MED13: variants seen among roughly 807,000 people sequenced by gnomAD.
MED13 encodes mediator of RNA polymerase II transcription subunit 13.
Under a neutral mutation model 225.2 loss-of-function variants are expected in MED13, and 23 were observed. The ratio of observed to expected loss-of-function variants is 0.10; its 90% CI spans 0.07 to 0.14. MED13 has a LOEUF of 0.14. Among genes scored for constraint, MED13 ranks in the 10% least tolerant of loss-of-function variants. MED13 has a pLI of 1.00. For missense variants in MED13, 2,197 were observed against 2,594.5 expected (o/e 0.85, Z 3.33); for synonymous variants, 942 against 889.2 (o/e 1.06, Z -1.06).
At chr17:61,986,510 A>T (rs1033689760) in intron 12 of MED13, among the ~76,000 whole-genome samples, 5 of 152,208 alleles carry the variant, frequency 3.3e-5, no homozygotes, top group Non-Finnish European at 5.9e-5. Context: ...TAAAGATTAA[A>T]TATTATTTTT....
intron 9 of MED13, chr17:62,010,278 G>A (rs895806282): frequency 1.1e-5 from 3 of 282,354 alleles, no homozygotes; most frequent in African/African-American, 4.4e-5. Context: ...AAGAAAAACA[G>A]TACATGGGAA....
rs1419650892 is a variant in MED13 at position 61,966,494 on chromosome 17, T to C, written c.4349A>G (p.Lys1450Arg). Residue 1450 changes from lysine to arginine, a missense_variant, in exon 19 of 30, where the codon AAG becomes AGG. Coordinates refer to ENST00000397786, the MANE Select transcript of MED13 (RefSeq NM_005121.3). The part of the protein sequence containing the change: ...DGNNEAFSKL[K>R]LYAQVCRYDL... Reference sequence around the variant, plus strand: ...ATATCTGCAGACTTGTGCATAAAGCTTGAGTTTAGAAAATGCTTCATTGTT... The same window carrying C: ...ATATCTGCAGACTTGTGCATAAAGCCTGAGTTTAGAAAATGCTTCATTGTT... The C allele has an allele frequency of 6.2e-7, 1 of 1,613,690 alleles. No homozygotes were observed. Among genetic ancestry groups the C allele is most frequent in the East Asian group, 2.2e-5 (1 of 44,836 alleles).
At chr17:61,952,673 T>C (rs530185852) in intron 27 of MED13, among the ~76,000 whole-genome samples, 2 of 152,332 alleles carry the variant, frequency 1.3e-5, no homozygotes, top group Admixed American at 1.3e-4. Flanking sequence ...ATTAATCCAT[T>C]ACTAAGTTAA....
intron 8 of MED13, among the ~76,000 whole-genome samples, chr17:62,023,329 GA>G (rs1171045080): frequency 4.1e-4 from 62 of 152,226 alleles, no homozygotes; most frequent in African/African-American, 1.4e-3. Flanking sequence ...CAAAACAGAG[GA>G]AAGTGAGGAA....
chr17:61,952,734 T>A (rs1321221263), intron 27 of MED13, among the ~76,000 whole-genome samples: 1 of 152,176 alleles, frequency 6.6e-6, no homozygotes, highest in East Asian at 1.9e-4. Flanking sequence ...CCTCCCAGGT[T>A]CAAGTGATTC....
Position 61,944,638 on chromosome 17 carries a change from T to C in MED13, c.*1830A>G, listed in dbSNP as rs922357021. On this transcript the variant is annotated 3_prime_UTR_variant, in exon 30 of 30. Coordinates refer to ENST00000397786, the MANE Select transcript of MED13 (RefSeq NM_005121.3). Reference sequence around the variant, plus strand: ...TTATGTTGTTCATAAGAAAGTGATATTTAATTCTAAGCACAGAGTATTCAC... The same window carrying C: ...TTATGTTGTTCATAAGAAAGTGATACTTAATTCTAAGCACAGAGTATTCAC... The C allele has an allele frequency of 6.6e-6, 1 of 152,270 alleles. No individual in the cohort carries two copies. 9.4% of individuals were successfully genotyped at this position (152,270 alleles called of 1,614,324 possible).
At chr17:62,044,287 TTATAAA>T (rs1003850114) in intron 3 of MED13, among the ~76,000 whole-genome samples, 6 of 152,140 alleles carry the variant, frequency 3.9e-5, no homozygotes, top group Non-Finnish European at 7.4e-5. Context: ...ACTGTTTTAA[TTATAAA>T]TATAAAGGTT....
chr17:61,954,200 C>T (rs552313300), intron 26 of MED13, among the ~76,000 whole-genome samples: 2 of 151,984 alleles, frequency 1.3e-5, no homozygotes, highest in African/African-American at 2.4e-5. Flanking sequence ...ATATAACACA[C>T]GAAAACAAGA....
chr17:61,943,998 G>A lies in MED13; in HGVS notation c.*2470C>T, dbSNP rs1183498866. ...AAGTCAAATCCATCATCCTGCACAA[G>A]GCTTAATTTCTCAAATAAGTCTACT... On this transcript the variant is annotated 3_prime_UTR_variant, in exon 30 of 30. Coordinates refer to ENST00000397786, the MANE Select transcript of MED13 (RefSeq NM_005121.3). 2 of 152,450 alleles carry A rather than the reference G, an allele frequency of 1.3e-5. No individual in the cohort carries two copies. Among genetic ancestry groups the A allele is most frequent in the African/African-American group, 4.8e-5 (2 of 41,400 alleles). 9.4% of individuals were successfully genotyped at this position (152,450 alleles called of 1,614,324 possible). A position where few individuals can be genotyped will look rare whatever the true frequency, so the allele number is the denominator to read the frequency against.
intron 2 of MED13, among the ~76,000 whole-genome samples, chr17:62,057,055 T>C (rs2081001470): frequency 6.6e-6 from 1 of 152,176 alleles, no homozygotes; most frequent in African/African-American, 2.4e-5. Flanking sequence ...AGACACACCC[T>C]GCACTCAACA....
chr17:62,048,874 C>T (rs1280118880), intron 3 of MED13, among the ~76,000 whole-genome samples: 4 of 151,942 alleles, frequency 2.6e-5, no homozygotes, highest in African/African-American at 9.7e-5. Flanking sequence ...TTTTAGTACC[C>T]AGAAGTCTAA....
Position 62,010,636 on chromosome 17 carries a change from C to A in MED13, c.1881G>T (p.Glu627Asp). ...CACTTGGAAGTTGAGGTGGTAAAAA[C>A]TCTACATCTTTTTTCTTTGGGAACT... ...YYKFPKKKDVEFLPPQLPSDK... is the reference protein window; with the variant it reads ...YYKFPKKKDVDFLPPQLPSDK... Residue 627 changes from glutamate (E) to aspartate (D), a missense_variant, in exon 9 of 30, where the codon GAG becomes GAT. Glu to Asp is a conservative substitution (Grantham distance 45, BLOSUM62 2). Coordinates refer to ENST00000397786, the MANE Select transcript of MED13 (RefSeq NM_005121.3). 1 of 1,496,518 alleles carries A rather than the reference C, an allele frequency of 6.7e-7. No individual in the cohort carries two copies. Among genetic ancestry groups the A allele is most frequent in the Non-Finnish European group, 8.9e-7 (1 of 1,122,660 alleles). 92.7% of individuals were successfully genotyped at this position (1,496,518 alleles called of 1,614,324 possible).
intron 23 of MED13, among the ~76,000 whole-genome samples, chr17:61,959,726 C>CT (rs11288442): frequency 0.027 from 3,173 of 119,678 alleles, 43 homozygotes; most frequent in East Asian, 0.037. Context: ...GAACCCAAAT[C>CT]TTTTTTTTTT....
At chr17:62,026,463 C>T (rs2080702895) in intron 8 of MED13, among the ~76,000 whole-genome samples, 1 of 147,940 alleles carries the variant, frequency 6.8e-6, no homozygotes, top group Non-Finnish European at 1.5e-5. Context: ...CAAAATCCAT[C>T]ACTGTATTTA....
intron 2 of MED13, among the ~76,000 whole-genome samples, chr17:62,057,824 G>GT (rs2081007379): frequency 6.6e-6 from 1 of 152,128 alleles, no homozygotes; most frequent in African/African-American, 2.4e-5. Context: ...TTAGCCCTGA[G>GT]TTTTTTTAGT....
At chr17:61,967,972 T>C in intron 18 of MED13, 63 bp downstream of exon 18, 1 of 1,282,052 alleles carries the variant, frequency 7.8e-7, no homozygotes, top group Non-Finnish European at 1.1e-6. Context: ...CCCAGTATGC[T>C]GTATATACAA....
At chr17:62,056,376 G>A (rs1008127277) in intron 2 of MED13, among the ~76,000 whole-genome samples, 7 of 152,136 alleles carry the variant, frequency 4.6e-5, no homozygotes, top group African/African-American at 1.4e-4. Context: ...AATAGGGAGG[G>A]GAAGGAGAAG....
rs1357827821 is a variant in MED13 at position 62,031,860 on chromosome 17, T to C, written c.815-222A>G. On this transcript the variant is annotated intron_variant, in intron 5 of 29. Coordinates refer to ENST00000397786, the MANE Select transcript of MED13 (RefSeq NM_005121.3). ...ACCACAATAAGCTGTCAGTGGTGGT[T>C]ATCTTTGCTGAGAGAGATTTGGAAA... Among the ~76,000 whole-genome samples, 7 of 152,088 alleles carry C rather than the reference T, an allele frequency of 4.6e-5. No homozygotes were observed. The East Asian group carries it at 1.4e-3, about 29-fold the overall frequency.
At chr17:61,990,629 A>ATG (rs1213731749) in intron 11 of MED13, among the ~76,000 whole-genome samples, 6 of 59,416 alleles carry the variant, frequency 1.0e-4, no homozygotes, top group African/African-American at 3.6e-4. Context: ...CGCACTGTGT[A>ATG]TATATATATA....
Sources: allele counts gnomAD v4.1 joint callset (sites outside exome capture counted in the v4.1 genomes callset), GRCh38; gene constraint gnomAD v4.1.1; transcripts MANE v1.5; gene names NCBI Gene and HGNC (gene_info 2026-07-23, HGNC 2026-07-21).